DCC: variants seen among roughly 807,000 people sequenced by gnomAD.
DCC encodes DCC netrin 1 receptor.
A neutral mutation model predicts 172.5 loss-of-function variants in DCC; 58 were observed. That is an observed-to-expected ratio of 0.34 (90% CI 0.27 to 0.42). DCC has a LOEUF of 0.42. DCC is among the 10% of genes least tolerant of loss of function. DCC has a pLI of 1.00. For missense variants in DCC, 1,740 were observed against 1,791.0 expected, an observed-to-expected ratio of 0.97 and a Z score of 0.51; for synonymous variants, 709 against 644.5, an observed-to-expected ratio of 1.10 and a Z score of -1.52.
chr18:53,438,433 T>C (rs182642534), intron 22 of DCC, among the ~76,000 whole-genome samples: 5 of 152,316 alleles, frequency 3.3e-5, no homozygotes, highest in African/African-American at 1.2e-4. Flanking sequence ...ATTAAAAATA[T>C]AAAGAGGCCA....
intron 1 of DCC, among the ~76,000 whole-genome samples, chr18:52,480,525 G>A (rs2029915685): frequency 6.6e-6 from 1 of 152,150 alleles, no homozygotes; most frequent in African/African-American, 2.4e-5. Context: ...GTTTGTGCAT[G>A]CCACTTTGTA....
At chr18:52,738,604 A>C (rs1599062079) in intron 1 of DCC, among the ~76,000 whole-genome samples, 1 of 152,188 alleles carries the variant, frequency 6.6e-6, no homozygotes, top group South Asian at 2.1e-4. Context: ...TACCGTACTT[A>C]CTATAGACTT....
At chr18:52,890,140 G>C (rs2145419803) in intron 2 of DCC, among the ~76,000 whole-genome samples, 1 of 152,180 alleles carries the variant, frequency 6.6e-6, no homozygotes, top group Middle Eastern at 3.4e-3. Context: ...ATTTGATTTG[G>C]TTTTAGGAGT....
At chr18:52,700,048 CAAA>C (rs34893826) in intron 1 of DCC, among the ~76,000 whole-genome samples, 29 of 140,620 alleles carry the variant, frequency 2.1e-4, no homozygotes, top group South Asian at 7.0e-4. Context: ...TCTGTTTATG[CAAA>C]AAAAAAAAAA....
intron 1 of DCC, among the ~76,000 whole-genome samples, chr18:52,417,481 C>T (rs967075697): frequency 5.3e-5 from 8 of 152,072 alleles, no homozygotes; most frequent in African/African-American, 1.7e-4. Context: ...TAACTTGGTT[C>T]CATTCTCCCC....
intron 15 of DCC, among the ~76,000 whole-genome samples, chr18:53,365,739 A>T (rs2057998619): frequency 6.6e-6 from 1 of 152,130 alleles, no homozygotes; most frequent in Non-Finnish European, 1.5e-5. Context: ...TATTAATTTG[A>T]GAATCAGTCA....
intron 1 of DCC, among the ~76,000 whole-genome samples, chr18:52,716,921 G>A (rs1040114864): frequency 1.3e-5 from 2 of 152,148 alleles, no homozygotes; most frequent in African/African-American, 4.8e-5. Flanking sequence ...GGAAGAGGAT[G>A]GGCTCACAGA....
At chr18:52,897,128 G>C (rs72922288) in intron 2 of DCC, among the ~76,000 whole-genome samples, 3,547 of 152,264 alleles carry the variant, frequency 0.023, 189 homozygotes, top group East Asian at 0.22. Context: ...GATTATAGGA[G>C]TCCCCAAATG....
chr18:52,877,437 A>G (rs2039419987), intron 2 of DCC, among the ~76,000 whole-genome samples: 2 of 152,154 alleles, frequency 1.3e-5, no homozygotes, highest in Non-Finnish European at 2.9e-5. Flanking sequence ...GGCAAGGTGC[A>G]GTGCCTCACA....
chr18:53,089,521 T>C (rs2042971844), intron 7 of DCC, among the ~76,000 whole-genome samples: 1 of 152,112 alleles, frequency 6.6e-6, no homozygotes, highest in African/African-American at 2.4e-5. Context: ...ATTTTATAAC[T>C]GCTTTGGAAT....
intron 1 of DCC, among the ~76,000 whole-genome samples, chr18:52,402,743 T>C (rs1986488300): frequency 6.6e-6 from 1 of 152,018 alleles, no homozygotes; most frequent in Non-Finnish European, 1.5e-5. Context: ...ATTAATTAGT[T>C]AATGTTTGTA....
chr18:53,141,551 G>A (rs1232152356), intron 7 of DCC, among the ~76,000 whole-genome samples: 2 of 152,172 alleles, frequency 1.3e-5, no homozygotes, highest in African/African-American at 4.8e-5. Context: ...TTAGTGATCT[G>A]TGATCATTTT....
At chr18:52,868,397 A>G (rs1227065657) in intron 2 of DCC, among the ~76,000 whole-genome samples, 2 of 152,164 alleles carry the variant, frequency 1.3e-5, no homozygotes, top group African/African-American at 4.8e-5. Context: ...TGCCACAGAC[A>G]GTTAAGTATG....
At chr18:52,549,817 T>C (rs2032715585) in intron 1 of DCC, among the ~76,000 whole-genome samples, 1 of 148,782 alleles carries the variant, frequency 6.7e-6, no homozygotes, top group African/African-American at 2.5e-5. Context: ...CAGGCACTGC[T>C]TTTTTTTTTC....
rs569968822 is a variant in DCC at position 53,347,999 on chromosome 18, A to G, written c.2359+8092A>G. On this transcript the variant is annotated intron_variant, in intron 15 of 28. Coordinates refer to ENST00000442544, the MANE Select transcript of DCC (RefSeq NM_005215.4). ...GGTGGGGACACAGCGAAACCATATCATTCTGCCCCTGGCCCCTCCCAAATC... is the reference window on the plus strand; with the variant it reads ...GGTGGGGACACAGCGAAACCATATCGTTCTGCCCCTGGCCCCTCCCAAATC... 2.0e-5 allele frequency among the ~76,000 whole-genome samples: 3 copies of G among 152,228 alleles called. No homozygotes were observed. The South Asian group carries it at 6.2e-4, about 32-fold the overall frequency.
intron 1 of DCC, among the ~76,000 whole-genome samples, chr18:52,534,808 A>T (rs1165708198): frequency 6.6e-6 from 1 of 152,216 alleles, no homozygotes; most frequent in Non-Finnish European, 1.5e-5. Context: ...TTTTGAAAAC[A>T]TAATTTCTAC....
intron 15 of DCC, among the ~76,000 whole-genome samples, chr18:53,375,519 G>T (rs991856040): frequency 6.6e-6 from 1 of 151,226 alleles, no homozygotes; most frequent in African/African-American, 2.4e-5. Context: ...TTAAAATAAT[G>T]ATTTGTTTGC....
chr18:52,998,814 G>T (rs2041521839), intron 5 of DCC, among the ~76,000 whole-genome samples: 1 of 151,728 alleles, frequency 6.6e-6, no homozygotes, highest in Non-Finnish European at 1.5e-5. Context: ...TAGTTTTTAG[G>T]TTTGTGTGTG....
At chr18:52,812,117 A>G (rs1418064705) in intron 2 of DCC, among the ~76,000 whole-genome samples, 1 of 152,206 alleles carries the variant, frequency 6.6e-6, no homozygotes, top group Non-Finnish European at 1.5e-5. Context: ...ATCACTCAGT[A>G]TTTTAGAAAT....
Sources: allele counts gnomAD v4.1 joint callset (sites outside exome capture counted in the v4.1 genomes callset), GRCh38; gene constraint gnomAD v4.1.1; transcripts MANE v1.5; gene names NCBI Gene and HGNC (gene_info 2026-07-23, HGNC 2026-07-21).